Variants in ZFHX3 observed in about 807,000 individuals in gnomAD.
ZFHX3 encodes the protein zinc finger homeobox protein 3.
In ZFHX3, 42 loss-of-function variants were observed where a neutral mutation model predicts 279.1. The ratio of observed to expected loss-of-function variants is 0.15; its 90% CI spans 0.12 to 0.19. The LOEUF (loss-of-function observed/expected upper bound fraction) is 0.19, where lower values mean the gene tolerates loss of function less well. Among genes scored for constraint, ZFHX3 ranks in the 10% least tolerant of loss-of-function variants. The pLI, the probability that ZFHX3 is intolerant of heterozygous loss-of-function variation, is 1.00. For synonymous variants in ZFHX3, 2,293 were observed against 1,957.8 expected (o/e 1.17, Z -4.52); for missense variants, 4,981 against 4,754.0 (o/e 1.05, Z -1.40).
chr16:73,777,224 C>T (rs1177843265), intron 1 of ZFHX3, among the ~76,000 whole-genome samples: 1 of 152,130 alleles, frequency 6.6e-6, no homozygotes, highest in Non-Finnish European at 1.5e-5. Flanking sequence ...GAGTTAAAGG[C>T]TGGGCACGGT....
At chr16:73,375,562 A>G (rs895248839) in intron 3 of ZFHX3, among the ~76,000 whole-genome samples, 1 of 152,226 alleles carries the variant, frequency 6.6e-6, no homozygotes, top group African/African-American at 2.4e-5. Context: ...ATATAACTAT[A>G]TAGGCATTTA....
Position 72,794,959 on chromosome 16 carries a change from T to C in ZFHX3, c.7723A>G (p.Met2575Val). 6.2e-7 allele frequency: 1 copy of C among 1,614,152 alleles called. No homozygotes were observed. Among genetic ancestry groups the C allele is most frequent in the Non-Finnish European group, 8.5e-7 (1 of 1,180,018 alleles). Residue 2575 changes from methionine (M) to valine (V), a missense_variant, in exon 9 of 10, where the codon ATG (methionine) becomes GTG (valine). Met to Val is a conservative substitution (Grantham distance 21). Around this residue, in one of 7 missense-constraint regions of ZFHX3, gnomAD observed 744 missense variants for 701.3 expected, o/e 1.06. Coordinates refer to ENST00000268489, the MANE Select transcript of ZFHX3 (RefSeq NM_006885.4). This position sits in a 1 kb window ranked among gnomAD's most constrained non-coding sequence, Gnocchi z 4.2. ...FLDRSLDMPF[M>V]LFDPSNPLLA... ...AGTGGGTTACTGGGATCAAAGAGCA[T>C]GAAAGGCATATCCAGGGACCTGTCC...
chr16:73,877,205 G>C (rs182737575), intron 1 of ZFHX3, among the ~76,000 whole-genome samples: 3 of 141,076 alleles, frequency 2.1e-5, no homozygotes, highest in South Asian at 2.5e-4. Context: ...GTTAGGTCGG[G>C]GGGGGGTCCC....
intron 1 of ZFHX3, among the ~76,000 whole-genome samples, chr16:73,883,399 A>G (rs1388707025): frequency 9.4e-5 from 14 of 149,178 alleles, no homozygotes; most frequent in East Asian, 4.0e-4. Context: ...AGCCATATAT[A>G]TGTGTGTGTG....
intron 2 of ZFHX3, among the ~76,000 whole-genome samples, chr16:73,601,299 C>CAA (rs1217744713): frequency 0.019 from 1,140 of 60,462 alleles, 21 homozygotes; most frequent in African/African-American, 0.056. Context: ...ACTAAAAATA[C>CAA]AAAAAAAAAA....
chr16:73,708,130 A>G (rs929692734), intron 1 of ZFHX3, among the ~76,000 whole-genome samples: 1 of 152,060 alleles, frequency 6.6e-6, no homozygotes, highest in African/African-American at 2.4e-5. Context: ...ATGGTTGTGC[A>G]TGAGATTTGT....
chr16:73,702,917 C>A (rs2053264253), intron 1 of ZFHX3, among the ~76,000 whole-genome samples: 1 of 152,056 alleles, frequency 6.6e-6, no homozygotes, highest in Admixed American at 6.5e-5. Context: ...GTGAAATGAA[C>A]CTCATAACTA....
intron 1 of ZFHX3, among the ~76,000 whole-genome samples, chr16:73,008,464 G>A (rs1963793381): frequency 6.6e-6 from 1 of 152,082 alleles, no homozygotes; most frequent in Admixed American, 6.5e-5. Context: ...TAGAAAACAC[G>A]ACAATGTTAA....
intron 5 of ZFHX3, among the ~76,000 whole-genome samples, chr16:73,231,607 T>A (rs1035907700): frequency 6.6e-6 from 1 of 152,202 alleles, no homozygotes; most frequent in African/African-American, 2.4e-5. Context: ...GCTGAGAGCG[T>A]GAAATGTGTC....
intron 8 of ZFHX3, among the ~76,000 whole-genome samples, chr16:73,076,727 T>A (rs1965889537): frequency 6.6e-6 from 1 of 152,184 alleles, no homozygotes; most frequent in Non-Finnish European, 1.5e-5. Flanking sequence ...TGTTTCCTCT[T>A]ATTCCCCCCA....
chr16:73,156,952 T>G (rs1206267126), intron 5 of ZFHX3, among the ~76,000 whole-genome samples: 2 of 152,224 alleles, frequency 1.3e-5, no homozygotes, highest in Non-Finnish European at 2.9e-5. Flanking sequence ...GACCTCGTGA[T>G]CTGCCCACCT....
chr16:73,344,812 G>A (rs749633012), intron 3 of ZFHX3, among the ~76,000 whole-genome samples: 2 of 152,190 alleles, frequency 1.3e-5, no homozygotes, highest in African/African-American at 4.8e-5. Context: ...GAAGCTCGAT[G>A]AAGAGTATGT....
chr16:72,849,156 G>A (rs1025268408), intron 4 of ZFHX3, among the ~76,000 whole-genome samples: 27 of 152,304 alleles, frequency 1.8e-4, no homozygotes, highest in African/African-American at 5.1e-4. Context: ...AGGGCAGTGC[G>A]TGTGAGCCAC....
intron 2 of ZFHX3, among the ~76,000 whole-genome samples, chr16:73,605,264 A>G (rs2052165839): frequency 6.6e-6 from 1 of 152,222 alleles, no homozygotes; most frequent in Non-Finnish European, 1.5e-5. Context: ...CAGGGAACTT[A>G]AAAGAAGCTC....
At chr16:73,737,607 G>A (rs368488481) in intron 1 of ZFHX3, among the ~76,000 whole-genome samples, 171 of 151,884 alleles carry the variant, frequency 1.1e-3, no homozygotes, top group Non-Finnish European at 2.0e-3. Flanking sequence ...GCTATTCAAA[G>A]CTTCAAAGCA....
chr16:73,434,546 C>T (rs927027922), intron 3 of ZFHX3, among the ~76,000 whole-genome samples: 1 of 152,112 alleles, frequency 6.6e-6, no homozygotes, highest in African/African-American at 2.4e-5. Flanking sequence ...ATTTCAAGTT[C>T]CTGGCTTCTC....
At chr16:73,792,865 C>CCCCG (rs1555501990) in intron 1 of ZFHX3, among the ~76,000 whole-genome samples, 1 of 148,588 alleles carries the variant, frequency 6.7e-6, no homozygotes, top group African/African-American at 2.5e-5. Context: ...CACCCCCCCC[C>CCCCG]TCCCCTCTCT....
intron 4 of ZFHX3, among the ~76,000 whole-genome samples, chr16:73,259,170 C>G (rs80346789): frequency 6.6e-6 from 1 of 152,144 alleles, no homozygotes; most frequent in Admixed American, 6.5e-5. Flanking sequence ...TGTGTGTACA[C>G]ACGTGTGAGC....
intron 2 of ZFHX3, among the ~76,000 whole-genome samples, chr16:73,491,228 G>A (rs2019051407): frequency 6.6e-6 from 1 of 152,182 alleles, no homozygotes; most frequent in Non-Finnish European, 1.5e-5. Context: ...GTTATCTGGA[G>A]TATGGCCTTG....
Sources: gnomAD v4.1 joint callset for allele counts (sites outside exome capture counted in the v4.1 genomes callset) on GRCh38, gnomAD v4.1.1 for gene constraint, gnomAD v4.1.1 regional missense constraint, Gnocchi (gnomAD v3.1) non-coding constraint, MANE v1.5 for transcripts, NCBI Gene and HGNC (gene_info 2026-07-23, HGNC 2026-07-21) for gene names.